MRPS16: variants seen among roughly 807,000 people sequenced by gnomAD.
MRPS16 encodes the protein mitochondrial ribosomal protein S16, also known as small ribosomal subunit protein bS16m.
Under a neutral mutation model 11.0 loss-of-function variants are expected in MRPS16, and 5 were observed. The ratio of observed to expected loss-of-function variants is 0.46; its 90% confidence interval spans 0.24 to 0.96. The LOEUF (loss-of-function observed/expected upper bound fraction) is 0.96. MRPS16 is among the 40% of genes least tolerant of loss of function. The pLI is 0.20. For missense variants in MRPS16, 179 were observed against 174.4 expected (o/e 1.03, Z -0.15); for synonymous variants, 76 against 65.0 (o/e 1.17, Z -0.81).
intron 2 of MRPS16, 25 bp downstream of exon 2, chr10:73,251,738 T>A (rs1213464886): frequency 3.7e-6 from 6 of 1,613,896 alleles, no homozygotes; most frequent in Admixed American, 3.3e-5. Flanking sequence ...ATCCCCTCAA[T>A]AAGGTAAGAC....
At position 73,250,418 on chromosome 10, in the gene MRPS16, C is replaced by A; in HGVS notation, c.*434G>T. ...AAAAAAAAAGAGAATATGCATTAGG[C>A]AAGACAATATAAACCTCCAATTACA... is the stretch of plus-strand genomic sequence containing the variant. On this transcript the variant is annotated 3_prime_UTR_variant, in exon 3 of 3. Transcript: ENST00000372945. 4.9e-6 allele frequency: 1 copy of A among 203,828 alleles called. No homozygotes were observed. The highest frequency in any genetic ancestry group is 1.0e-5 in the Non-Finnish European group (1 of 99,046). 12.6% of individuals were successfully genotyped at this position (203,828 alleles called of 1,614,324 possible). A position where few individuals can be genotyped will look rare whatever the true frequency, so the allele number is the denominator to read the frequency against.
At position 73,251,744 on chromosome 10, in the gene MRPS16, A is replaced by G. The variant is rs963015499; in HGVS notation, c.274+19T>C. ...CAGTTTAAAATCCCCTCAATAAGGT[A>G]AGACCAGAGCTGAGTTACCCAGAAG... On this transcript the variant is annotated intron_variant, in intron 2 of 2. Transcript: ENST00000372945. The G allele has an allele frequency of 6.2e-7, 1 of 1,614,006 alleles. No homozygotes were observed. Among genetic ancestry groups the G allele is most frequent in the African/African-American group, 1.3e-5 (1 of 74,936 alleles).
Position 73,249,349 on chromosome 10 carries a change from T to A in MRPS16, c.*1503A>T, listed in dbSNP as rs2018198. On this transcript the variant is annotated 3_prime_UTR_variant, in exon 3 of 3. Transcript: ENST00000372945. ...AATGGTTGTGAGTCAAATAAAAAAG[T>A]AGAACTAAAGTATACTGAAGTTATT... The A allele has an allele frequency of 0.079, 121,403 of 1,541,096 alleles. 7,092 individuals are homozygous for A. The highest frequency in any genetic ancestry group is 0.29 in the East Asian group (11,683 of 40,796).
At chr10:73,251,119 G>C in intron 2 of MRPS16, 128 bp from the exon 3 acceptor site, 1 of 1,074,744 alleles carries the variant, frequency 9.3e-7, no homozygotes, top group Non-Finnish European at 1.4e-6. Context: ...CTCCTCACTT[G>C]CCAAACTCTG....
At chr10:73,252,313 G>A in intron 1 of MRPS16, 157 bp downstream of exon 1, 2 of 1,239,658 alleles carry the variant, frequency 1.6e-6, no homozygotes, top group Non-Finnish European at 2.3e-6. Flanking sequence ...CGGTGATTAA[G>A]TGGGGAAAAA....
intron 1 of MRPS16, 128 bp downstream of exon 1, chr10:73,252,342 T>A: frequency 4.4e-6 from 6 of 1,352,526 alleles, no homozygotes. Flanking sequence ...AAGGATCAAA[T>A]GTAAGGCAGT....
rs558115305 is a variant in MRPS16 at position 73,249,558 on chromosome 10, C to T, written c.*1294G>A. 5 of 505,780 alleles carry T rather than the reference C, an allele frequency of 9.9e-6. No individual in the cohort carries two copies. Among genetic ancestry groups the T allele is most frequent in the Non-Finnish European group, 1.8e-5 (5 of 282,820 alleles). 31.3% of individuals were successfully genotyped at this position (505,780 alleles called of 1,614,324 possible). A position where few individuals can be genotyped will look rare whatever the true frequency, so the allele number is the denominator to read the frequency against. On this transcript the variant is annotated 3_prime_UTR_variant, in exon 3 of 3. Coordinates refer to ENST00000372945, the MANE Select transcript of MRPS16 (RefSeq NM_016065.4). The stretch of plus-strand genomic sequence containing the variant: ...AAATTACCAGCAAGAAAGAAAAGTA[C>T]AAGAATAAGGTTCACAGCTGAATTG...
At chr10:73,252,151 T>A in intron 1 of MRPS16, 128 bp from the exon 2 acceptor site, 1 of 1,397,788 alleles carries the variant, frequency 7.2e-7, no homozygotes, top group South Asian at 1.2e-5. Flanking sequence ...CCAGTTTAGA[T>A]GCTACTCTTC....
intron 1 of MRPS16, 143 bp downstream of exon 1, chr10:73,252,327 G>A: frequency 7.7e-7 from 1 of 1,294,804 alleles, no homozygotes; most frequent in Non-Finnish European, 1.1e-6. Context: ...GGAAAAAACT[G>A]AGAGAAGGAT....
rs2044138838 is a variant in MRPS16 at position 73,252,619 on chromosome 10, C to G, written c.-137G>C. On this transcript the variant is annotated 5_prime_UTR_variant, in exon 1 of 3. Transcript: ENST00000372945. ...GCCGCACCGCCAAGCGGTACAAGCC[C>G]GAAAACCTCGACTCCGGAAGCGGAT... 5 of 1,267,656 alleles carry G rather than the reference C, an allele frequency of 3.9e-6. No individual in the cohort carries two copies. Among genetic ancestry groups the G allele is most frequent in the Non-Finnish European group, 2.2e-6 (2 of 908,724 alleles). 78.5% of individuals were successfully genotyped at this position (1,267,656 alleles called of 1,614,324 possible).
At chr10:73,251,661 G>A (rs1393141481) in intron 2 of MRPS16, 102 bp downstream of exon 2, 101 of 1,532,476 alleles carry the variant, frequency 6.6e-5, no homozygotes, top group Non-Finnish European at 8.8e-5. Context: ...GATTACAGGC[G>A]TGAGCCACCG....
chr10:73,248,999 G>A lies in MRPS16; in HGVS notation c.*1853C>T. 2 of 577,834 alleles carry A rather than the reference G, an allele frequency of 3.5e-6. No homozygotes were observed. The highest frequency in any genetic ancestry group is 6.7e-6 in the Non-Finnish European group (2 of 299,354). 35.8% of individuals were successfully genotyped at this position (577,834 alleles called of 1,614,324 possible). A position where few individuals can be genotyped will look rare whatever the true frequency, so the allele number is the denominator to read the frequency against. ...AGTGGAACAATCACAGTTCACTGCAGCATCGGCCTCCTGGGCTCAAGTGAT... is the reference window on the plus strand; with the variant it reads ...AGTGGAACAATCACAGTTCACTGCAACATCGGCCTCCTGGGCTCAAGTGAT... On this transcript the variant is annotated 3_prime_UTR_variant, in exon 3 of 3. Coordinates refer to ENST00000372945, the MANE Select transcript of MRPS16 (RefSeq NM_016065.4).
chr10:73,251,013 CTTATTA>C (rs758621563), intron 2 of MRPS16, 22 bp from the exon 3 acceptor site: 23 of 1,613,564 alleles, frequency 1.4e-5, no homozygotes, highest in Non-Finnish European at 1.9e-5. Context: ...AGATTTTTCA[CTTATTA>C]TAACACAGTA....
At position 73,250,948 on chromosome 10, in the gene MRPS16, A is replaced by G; in HGVS notation, c.318T>C (p.Asn106=). The change falls in exon 3 of 3, where the codon AAT becomes AAC. Residue 106 remains asparagine (N), a synonymous_variant. Transcript: ENST00000372945. ...CCCGTTTCCTTCGCAGTCTCTCAGC[A>G]TTTGTGATCATCATAGGATGCAGAG... ...FFPLHPMMIT[N]AERLRRKRAR... 6.2e-7 allele frequency: 1 copy of G among 1,614,212 alleles called. No individual in the cohort carries two copies. The highest frequency in any genetic ancestry group is 8.5e-7 in the Non-Finnish European group (1 of 1,180,034).
rs2044052372 is a variant in MRPS16, at chr10:73,249,196, G to T, written c.*1656C>A. 7.9e-7 allele frequency: 1 copy of T among 1,264,400 alleles called. No homozygotes were observed. Among genetic ancestry groups the T allele is most frequent in the African/African-American group, 1.5e-5 (1 of 67,420 alleles). 78.3% of individuals were successfully genotyped at this position (1,264,400 alleles called of 1,614,324 possible). On this transcript the variant is annotated 3_prime_UTR_variant, in exon 3 of 3. Transcript: ENST00000372945. The stretch of plus-strand genomic sequence containing the variant: ...GCCTCCCAAAGTGCTGAGATTACAG[G>T]TGTGAGCCACTGCCCCAATGGTATC...
intron 1 of MRPS16, 67 bp downstream of exon 1, chr10:73,252,403 C>CGGGT (rs2044130233): frequency 3.1e-6 from 5 of 1,603,550 alleles, no homozygotes; most frequent in African/African-American, 2.7e-5. Context: ...AGAGCTCTCC[C>CGGGT]CACCCGGCCC....
Position 73,249,311 on chromosome 10 carries a change from C to T in MRPS16, c.*1541G>A. ...CAGGCTTTTAAAACACATGGGAATA[C>T]TTGAGACCTAAGAATGGTTGTGAGT... On this transcript the variant is annotated 3_prime_UTR_variant, in exon 3 of 3. Coordinates refer to ENST00000372945, the MANE Select transcript of MRPS16 (RefSeq NM_016065.4). The T allele has an allele frequency of 6.5e-7, 1 of 1,549,858 alleles. No homozygotes were observed. The highest frequency in any genetic ancestry group is 8.7e-7 in the Non-Finnish European group (1 of 1,146,422).
rs760558943 is a variant in MRPS16 at position 73,252,031 on chromosome 10, A to G, written c.14-8T>C. The G allele has an allele frequency of 6.2e-7, 1 of 1,612,076 alleles. No homozygotes were observed. The highest frequency in any genetic ancestry group is 8.5e-7 in the Non-Finnish European group (1 of 1,179,010). On this transcript the variant is annotated splice_region_variant and splice_polypyrimidine_tract_variant and intron_variant, in intron 1 of 2. Coordinates refer to ENST00000372945, the MANE Select transcript of MRPS16 (RefSeq NM_016065.4). ...CCTTGCAGAGGAGAGTAGCTGTAGA[A>G]AAGCAGCTGGTTAGGACACAAAAAA...
At chr10:73,252,318 G>A in intron 1 of MRPS16, 152 bp downstream of exon 1, 1 of 1,267,348 alleles carries the variant, frequency 7.9e-7, no homozygotes, top group Non-Finnish European at 1.1e-6. Context: ...ATTAAGTGGG[G>A]AAAAAACTGA....
Sources: allele counts gnomAD v4.1 joint callset, GRCh38; gene constraint gnomAD v4.1.1; transcripts MANE v1.5; gene names NCBI Gene and HGNC (gene_info 2026-07-23, HGNC 2026-07-21).